Variants in TLN2 observed in about 807,000 individuals in gnomAD.
TLN2 encodes talin-2.
In TLN2, 118 loss-of-function variants were observed where a neutral mutation model predicts 294.7. That is an observed-to-expected ratio of 0.40 (90% confidence interval 0.34 to 0.47). The LOEUF (loss-of-function observed/expected upper bound fraction) is 0.47, where lower values mean the gene tolerates loss of function less well. Ranked by LOEUF, TLN2 falls within the 20% of genes least tolerant of loss-of-function variation. The probability of loss-of-function intolerance (pLI) is 0.84; values close to 1 mark genes in which losing one functional copy is unlikely to be tolerated. For missense variants in TLN2, 3,083 were observed against 3,282.2 expected, an observed-to-expected ratio of 0.94 and a Z score of 1.48; for synonymous variants, 1,431 against 1,304.5, an observed-to-expected ratio of 1.10 and a Z score of -2.09.
intron 1 of TLN2, among the ~76,000 whole-genome samples, chr15:62,588,665 CATAT>C (rs3055752): frequency 0.071 from 5,034 of 71,114 alleles, 175 homozygotes; most frequent in Admixed American, 0.087. Flanking sequence ...ACATTTTTTT[CATAT>C]ATATATATAT....
At chr15:62,828,234 C>T (rs1007226154) in intron 54 of TLN2, 1 of 152,306 alleles carries the variant, frequency 6.6e-6, no homozygotes, top group Admixed American at 6.5e-5. Context: ...GTACTCAGAC[C>T]TTTCTAGAAG....
chr15:62,643,550 C>T (rs2051427698), intron 3 of TLN2, among the ~76,000 whole-genome samples: 1 of 151,530 alleles, frequency 6.6e-6, no homozygotes, highest in Admixed American at 6.6e-5. Context: ...GTCTGTTGAA[C>T]ACCTACCCTG....
chr15:62,606,620 C>T (rs1227348805), intron 2 of TLN2, among the ~76,000 whole-genome samples: 1 of 152,164 alleles, frequency 6.6e-6, no homozygotes, highest in Non-Finnish European at 1.5e-5. Flanking sequence ...TCCTTCACCC[C>T]AGTATTGCTG....
chr15:62,795,624 T>G (rs1313185938), intron 46 of TLN2, among the ~76,000 whole-genome samples: 2 of 152,084 alleles, frequency 1.3e-5, no homozygotes, highest in Admixed American at 6.5e-5. Context: ...TCTGGAGAAT[T>G]TCCATCCCAG....
intron 1 of TLN2, among the ~76,000 whole-genome samples, chr15:62,505,438 G>T (rs982737981): frequency 3.9e-5 from 6 of 152,146 alleles, no homozygotes; most frequent in African/African-American, 1.4e-4. Flanking sequence ...GGAAATCCTG[G>T]CATCATGTTA....
chr15:62,771,795 G>T (rs914161119), intron 42 of TLN2, among the ~76,000 whole-genome samples: 3 of 152,238 alleles, frequency 2.0e-5, no homozygotes, highest in African/African-American at 7.2e-5. Flanking sequence ...GCAGGAGGAT[G>T]GACTGGGCTG....
chr15:62,710,056 T>A (rs1457112358), intron 21 of TLN2, among the ~76,000 whole-genome samples: 1 of 152,250 alleles, frequency 6.6e-6, no homozygotes, highest in Non-Finnish European at 1.5e-5. Flanking sequence ...CATGTCCACC[T>A]GTATGTTAAT....
chr15:62,581,074 G>A (rs985201944), intron 1 of TLN2, among the ~76,000 whole-genome samples: 3 of 151,862 alleles, frequency 2.0e-5, no homozygotes, highest in South Asian at 2.1e-4. Context: ...AGTAGAGATG[G>A]GGTTTCACCA....
At chr15:62,440,196 G>T (rs1260363634) in intron 1 of TLN2, among the ~76,000 whole-genome samples, 1 of 152,188 alleles carries the variant, frequency 6.6e-6, no homozygotes. Context: ...TCAAGTCTCA[G>T]TTTGGGCCTC....
chr15:62,815,463 T>A (rs1346457973), intron 52 of TLN2, among the ~76,000 whole-genome samples: 3 of 152,182 alleles, frequency 2.0e-5, no homozygotes, highest in Non-Finnish European at 2.9e-5. Flanking sequence ...ATTGTTCATT[T>A]TTTACAAAAA....
intron 1 of TLN2, among the ~76,000 whole-genome samples, chr15:62,572,424 T>G (rs1416193677): frequency 6.6e-6 from 1 of 152,084 alleles, no homozygotes; most frequent in Non-Finnish European, 1.5e-5. Flanking sequence ...GTTTTTATTT[T>G]TTGTAAAGAC....
chr15:62,463,566 C>T (rs552853350), intron 1 of TLN2, among the ~76,000 whole-genome samples: 3 of 152,236 alleles, frequency 2.0e-5, no homozygotes, highest in East Asian at 1.9e-4. Flanking sequence ...TACCATCTCA[C>T]GCCAGTTAGA....
At chr15:62,629,192 CAAAAATA>C (rs921091748) in intron 3 of TLN2, among the ~76,000 whole-genome samples, 6 of 152,138 alleles carry the variant, frequency 3.9e-5, no homozygotes, top group Middle Eastern at 3.4e-3. Context: ...GACCCTGTTT[CAAAAATA>C]AAAAATAAAA....
chr15:62,766,285 G>A (rs1320468248), intron 40 of TLN2, 36 bp from the exon 41 acceptor site: 6 of 1,583,324 alleles, frequency 3.8e-6, no homozygotes, highest in Non-Finnish European at 4.3e-6. Flanking sequence ...GTGGGGAGCT[G>A]TTATGGGATG....
chr15:62,517,236 A>G (rs1172754034), intron 1 of TLN2, among the ~76,000 whole-genome samples: 2 of 152,148 alleles, frequency 1.3e-5, no homozygotes, highest in Admixed American at 6.5e-5. Flanking sequence ...CTCTTTGTCC[A>G]GTCTTTACTA....
intron 52 of TLN2, among the ~76,000 whole-genome samples, chr15:62,817,399 G>T (rs2067199729): frequency 6.6e-6 from 1 of 152,154 alleles, no homozygotes; most frequent in South Asian, 2.1e-4. Flanking sequence ...GAGAGAGTGA[G>T]AATCACAGAG....
intron 33 of TLN2, among the ~76,000 whole-genome samples, chr15:62,749,391 T>C (rs1415387692): frequency 1.3e-5 from 2 of 152,206 alleles, no homozygotes; most frequent in African/African-American, 4.8e-5. Flanking sequence ...AATATGTAGG[T>C]TGTTGATCTA....
chr15:62,554,230 GAGGATATTAA>G (rs1286435246), intron 1 of TLN2, among the ~76,000 whole-genome samples: 3 of 151,460 alleles, frequency 2.0e-5, no homozygotes, highest in African/African-American at 7.3e-5. Flanking sequence ...CAGGAGAAAA[GAGGATATTAA>G]AGCTTGGTTG....
At chr15:62,766,275 G>A (rs1160204961) in intron 40 of TLN2, 46 bp from the exon 41 acceptor site, 3 of 1,527,818 alleles carry the variant, frequency 2.0e-6, no homozygotes, top group East Asian at 2.3e-5. Context: ...GTGCAGCTCT[G>A]TGGGGAGCTG....
Sources: allele counts gnomAD v4.1 joint callset (sites outside exome capture counted in the v4.1 genomes callset), GRCh38; gene constraint gnomAD v4.1.1; transcripts MANE v1.5; gene names NCBI Gene and HGNC (gene_info 2026-07-23, HGNC 2026-07-21).